THSD7A: variants seen among roughly 807,000 people sequenced by gnomAD.
THSD7A encodes thrombospondin type 1 domain containing 7A.
A neutral mutation model predicts 231.3 loss-of-function variants in THSD7A; 96 were observed. That is an observed-to-expected ratio of 0.41 (90% CI 0.35 to 0.49). The LOEUF (loss-of-function observed/expected upper bound fraction) is 0.49, where lower values mean the gene tolerates loss of function less well. Ranked by LOEUF, THSD7A falls within the 20% of genes least tolerant of loss-of-function variation. The probability of loss-of-function intolerance (pLI) is 0.05; values close to 1 mark genes in which losing one functional copy is unlikely to be tolerated. For missense variants in THSD7A, 2,290 were observed against 2,070.2 expected (o/e 1.11, Z -2.06); for synonymous variants, 940 against 743.3 (o/e 1.26, Z -4.30).
At chr7:11,698,132 T>G (rs1246313559) in intron 1 of THSD7A, among the ~76,000 whole-genome samples, 1 of 151,388 alleles carries the variant, frequency 6.6e-6, no homozygotes, top group Non-Finnish European at 1.5e-5. Flanking sequence ...TGGCAATTTG[T>G]TGAATGTATG....
chr7:11,757,299 C>T (rs1218286509), intron 1 of THSD7A, among the ~76,000 whole-genome samples: 1 of 152,014 alleles, frequency 6.6e-6, no homozygotes, highest in South Asian at 2.1e-4. Context: ...TATTTAATGA[C>T]TGTAACCAGA....
At chr7:11,520,744 G>T (rs547336544) in intron 6 of THSD7A, among the ~76,000 whole-genome samples, 3 of 152,306 alleles carry the variant, frequency 2.0e-5, no homozygotes, top group Admixed American at 6.5e-5. Context: ...CATTTATGAA[G>T]GTAGTCACTG....
In THSD7A at chr7:11,638,692, A is replaced by G. The variant is rs550803333; in HGVS notation, c.191-1731T>C. ...AAATGCTCATGCTTATTAGTGATGT[A>G]ACATTCTTATAAGGGATATAAAATA... On this transcript the variant is annotated intron_variant, in intron 1 of 27. Coordinates refer to ENST00000423059, the MANE Select transcript of THSD7A (RefSeq NM_015204.3). Among the ~76,000 whole-genome samples, 6 of 152,270 alleles carry G rather than the reference A, an allele frequency of 3.9e-5. 1 individual carries two copies. In the South Asian group the frequency reaches 1.2e-3, roughly 32 times the overall value.
intron 1 of THSD7A, among the ~76,000 whole-genome samples, chr7:11,771,160 A>G (rs954560492): frequency 6.6e-6 from 1 of 151,074 alleles, no homozygotes; most frequent in Non-Finnish European, 1.5e-5. Flanking sequence ...TATGATTTAT[A>G]ATAAAGAATC....
chr7:11,663,256 G>T (rs1008334263), intron 1 of THSD7A, among the ~76,000 whole-genome samples: 2 of 151,236 alleles, frequency 1.3e-5, no homozygotes, highest in South Asian at 4.1e-4. Flanking sequence ...TGCCACATAA[G>T]TTTGAAAAAT....
intron 1 of THSD7A, among the ~76,000 whole-genome samples, chr7:11,704,686 G>A (rs115230820): frequency 2.0e-3 from 304 of 150,830 alleles, no homozygotes; most frequent in African/African-American, 6.4e-3. Context: ...GCTAACCTGG[G>A]GTCCACGAAT....
chr7:11,659,452 C>T (rs1009401786), intron 1 of THSD7A, among the ~76,000 whole-genome samples: 6 of 151,394 alleles, frequency 4.0e-5, no homozygotes, highest in South Asian at 2.1e-4. Flanking sequence ...ACTCTGTAAA[C>T]TTATATTGTA....
intron 1 of THSD7A, among the ~76,000 whole-genome samples, chr7:11,791,271 A>G (rs1397563561): frequency 6.6e-6 from 1 of 152,006 alleles, no homozygotes; most frequent in Non-Finnish European, 1.5e-5. Flanking sequence ...GAGTTCTCTG[A>G]TTATTACCAA....
Position 11,721,926 on chromosome 7 carries a change from CTTATATT to C in THSD7A, c.191-84972_191-84966del, listed in dbSNP as rs1781368692. On this transcript the variant is annotated intron_variant, in intron 1 of 27. Transcript: ENST00000423059. ...TATGTTCCAAATATATTGAACTCTT[CTTATATT>C]TTATGCACCCCTTCCCAATTCCTTT... 3.9e-5 allele frequency among the ~76,000 whole-genome samples: 6 copies of C among 151,902 alleles called. No homozygotes were observed. The South Asian group carries it at 1.0e-3, about 26-fold the overall frequency.
In THSD7A at chr7:11,826,674, T is replaced by C. The variant is rs191515500; in HGVS notation, c.190+5083A>G. Among the ~76,000 whole-genome samples, 82 of 152,158 alleles carry C rather than the reference T, an allele frequency of 5.4e-4. 1 individual carries two copies. The East Asian group carries it at 0.013, about 24-fold the overall frequency. On this transcript the variant is annotated intron_variant, in intron 1 of 27. Transcript: ENST00000423059. ...TTAAAATACAAAAATTAGCCGGGTA[T>C]GGTGGCGGGCACCTGTAACCCTAGC...
At chr7:11,767,321 C>T (rs1036330671) in intron 1 of THSD7A, among the ~76,000 whole-genome samples, 2 of 152,132 alleles carry the variant, frequency 1.3e-5, no homozygotes, top group Non-Finnish European at 2.9e-5. Context: ...TTCTTCATAA[C>T]GTCTCTAACC....
At chr7:11,727,866 G>C (rs1273412426) in intron 1 of THSD7A, among the ~76,000 whole-genome samples, 4 of 151,864 alleles carry the variant, frequency 2.6e-5, no homozygotes, top group Non-Finnish European at 5.9e-5. Context: ...TAAGAGCTTA[G>C]TTATCGGTAT....
At chr7:11,723,917 T>C (rs533041348) in intron 1 of THSD7A, among the ~76,000 whole-genome samples, 1 of 151,984 alleles carries the variant, frequency 6.6e-6, no homozygotes, top group South Asian at 2.1e-4. Flanking sequence ...CTGAATGAAG[T>C]GGGAAGCTAC....
intron 1 of THSD7A, among the ~76,000 whole-genome samples, chr7:11,800,029 C>G (rs1291015626): frequency 1.3e-5 from 2 of 152,140 alleles, no homozygotes; most frequent in Non-Finnish European, 1.5e-5. Context: ...AGGTGGTTAA[C>G]TGAACCAGGA....
chr7:11,668,525 GAC>G (rs1406474339), intron 1 of THSD7A, among the ~76,000 whole-genome samples: 1 of 111,938 alleles, frequency 8.9e-6, no homozygotes, highest in Non-Finnish European at 1.9e-5. Flanking sequence ...AAAAAAGAAA[GAC>G]AGAAAGAAAG....
chr7:11,665,149 T>G (rs1366067685), intron 1 of THSD7A, among the ~76,000 whole-genome samples: 1 of 152,068 alleles, frequency 6.6e-6, no homozygotes, highest in Non-Finnish European at 1.5e-5. Context: ...ATCGGTTCTT[T>G]CTACTTAAAT....
intron 6 of THSD7A, among the ~76,000 whole-genome samples, chr7:11,496,729 A>C (rs1033392764): frequency 7.4e-4 from 113 of 152,326 alleles, no homozygotes; most frequent in African/African-American, 2.5e-3. Flanking sequence ...TAAGGAAACT[A>C]TACAGATGAA....
intron 2 of THSD7A, among the ~76,000 whole-genome samples, chr7:11,603,492 T>C (rs1244668773): frequency 6.6e-6 from 1 of 151,840 alleles, no homozygotes; most frequent in South Asian, 2.1e-4. Context: ...GATCTAGAAC[T>C]GGAAATACCA....
chr7:11,416,629 C>A (rs998902901), intron 17 of THSD7A, among the ~76,000 whole-genome samples: 7 of 152,174 alleles, frequency 4.6e-5, no homozygotes, highest in Non-Finnish European at 1.0e-4. Flanking sequence ...AAAATATGCA[C>A]CATAAAATCC....
Sources: allele counts gnomAD v4.1 joint callset (sites outside exome capture counted in the v4.1 genomes callset), GRCh38; gene constraint gnomAD v4.1.1; transcripts MANE v1.5; gene names NCBI Gene and HGNC (gene_info 2026-07-23, HGNC 2026-07-21).